EDIL3: variants seen among roughly 807,000 people sequenced by gnomAD.
EDIL3 encodes EGF-like repeat and discoidin I-like domain-containing protein 3.
In EDIL3, 37 loss-of-function variants were observed where a neutral mutation model predicts 67.4. The ratio of observed to expected loss-of-function variants is 0.55; its 90% CI spans 0.42 to 0.72. EDIL3 has a LOEUF of 0.72. Among genes scored for constraint, EDIL3 ranks in the 30% least tolerant of loss-of-function variants. The pLI is 0.00. For synonymous variants in EDIL3, 195 were observed against 196.3 expected, an observed-to-expected ratio of 0.99 and a Z score of 0.05; for missense variants, 527 against 586.3, an observed-to-expected ratio of 0.90 and a Z score of 1.04.
In EDIL3 at chr5:84,106,697, A is replaced by T. The variant is rs1747469912; in HGVS notation, c.603T>A (p.Leu201=). The change falls in exon 6 of 11, where the codon CTT becomes CTA. Residue 201 remains leucine, a synonymous_variant. Transcript: ENST00000296591. ...PYYARLNKKG[L]INAWTAAEND... ...TTTCTGCAGCTGTCCACGCATTTAT[A>T]AGCCCCTTCTTATTAAGACGTGCAT... 6.2e-7 allele frequency: 1 copy of T among 1,612,242 alleles called. No individual in the cohort carries two copies.
chr5:83,943,296 T>C lies in EDIL3; in HGVS notation c.*123A>G. Reference sequence around the variant, plus strand: ...AAACACCGTTAGTTGCCTACCATAATTTGAGCACTTTTTCATGAAAAAAAA... The same window carrying C: ...AAACACCGTTAGTTGCCTACCATAACTTGAGCACTTTTTCATGAAAAAAAA... On this transcript the variant is annotated 3_prime_UTR_variant, in exon 11 of 11. Transcript: ENST00000296591. 3.6e-6 allele frequency: 5 copies of C among 1,377,438 alleles called. No individual in the cohort carries two copies. Among genetic ancestry groups the C allele is most frequent in the Non-Finnish European group, 4.9e-6 (5 of 1,011,644 alleles). 85.3% of individuals were successfully genotyped at this position (1,377,438 alleles called of 1,614,324 possible). A position where few individuals can be genotyped will look rare whatever the true frequency, so the allele number is the denominator to read the frequency against.
chr5:84,275,442 T>C (rs1489746363), intron 1 of EDIL3, among the ~76,000 whole-genome samples: 1 of 152,220 alleles, frequency 6.6e-6, no homozygotes, highest in African/African-American at 2.4e-5. Flanking sequence ...TTTGTTCTTT[T>C]AGCAGCACAA....
Position 83,964,702 on chromosome 5 carries a change from T to A in EDIL3, c.1138-1342A>T, listed in dbSNP as rs535281865. Among the ~76,000 whole-genome samples, 10 of 152,204 alleles carry A rather than the reference T, an allele frequency of 6.6e-5. No homozygotes were observed. In the East Asian group the frequency reaches 1.7e-3, roughly 27 times the overall value. ...GAATTCACATGAGCTTTTTGTTAAC[T>A]TTTTGGAGCATGTGTTAAAGCCTTT... On this transcript the variant is annotated intron_variant, in intron 9 of 10. Transcript: ENST00000296591.
intron 1 of EDIL3, among the ~76,000 whole-genome samples, chr5:84,379,613 T>C (rs1437529202): frequency 6.6e-6 from 1 of 152,160 alleles, no homozygotes. Flanking sequence ...ATAATTGTTT[T>C]ACTACAAACA....
chr5:84,274,788 C>A (rs1443790213), intron 1 of EDIL3, among the ~76,000 whole-genome samples: 3 of 96,694 alleles, frequency 3.1e-5, no homozygotes, highest in African/African-American at 1.2e-4. Context: ...CATACAGACA[C>A]ACACAGACAC....
At chr5:83,992,199 C>G (rs996762383) in intron 9 of EDIL3, among the ~76,000 whole-genome samples, 1 of 152,088 alleles carries the variant, frequency 6.6e-6, no homozygotes, top group Non-Finnish European at 1.5e-5. Flanking sequence ...TATAAAACCA[C>G]TTAAAGGTAG....
intron 9 of EDIL3, among the ~76,000 whole-genome samples, chr5:83,984,009 C>G (rs1026009803): frequency 4.0e-5 from 6 of 151,848 alleles, no homozygotes; most frequent in Admixed American, 1.3e-4. Context: ...GTAGTCTATG[C>G]AAATCTGAAC....
At chr5:84,372,720 C>T (rs16901061) in intron 1 of EDIL3, among the ~76,000 whole-genome samples, 13,733 of 152,176 alleles carry the variant, frequency 0.09, 772 homozygotes, top group South Asian at 0.21. Context: ...TTATTCTATT[C>T]TCAGTCCATG....
intron 1 of EDIL3, among the ~76,000 whole-genome samples, chr5:84,289,856 C>A (rs893981056): frequency 6.6e-6 from 1 of 152,110 alleles, no homozygotes; most frequent in African/African-American, 2.4e-5. Context: ...ATTGTTTAAG[C>A]ACTAAAATAT....
intron 6 of EDIL3, among the ~76,000 whole-genome samples, chr5:84,073,572 A>C (rs1324298878): frequency 6.6e-6 from 1 of 152,222 alleles, no homozygotes; most frequent in Non-Finnish European, 1.5e-5. Flanking sequence ...AAGAGAGCCA[A>C]ATGATGAGTG....
chr5:84,168,696 C>T (rs1381602495), intron 4 of EDIL3, among the ~76,000 whole-genome samples: 5 of 152,170 alleles, frequency 3.3e-5, no homozygotes, highest in South Asian at 2.1e-4. Flanking sequence ...TTTTCATATA[C>T]GAACATTGTT....
At chr5:84,111,143 C>T (rs770107884) in intron 5 of EDIL3, among the ~76,000 whole-genome samples, 8 of 152,116 alleles carry the variant, frequency 5.3e-5, no homozygotes, top group Non-Finnish European at 7.4e-5. Flanking sequence ...TTCCCCTTTG[C>T]CCTTCCCCCA....
intron 8 of EDIL3, among the ~76,000 whole-genome samples, 198 bp from the exon 9 acceptor site, chr5:84,060,682 C>G (rs1387759708): frequency 6.6e-6 from 1 of 152,074 alleles, no homozygotes; most frequent in Non-Finnish European, 1.5e-5. Flanking sequence ...TCAATTCAAG[C>G]TATTTTGTCT....
intron 6 of EDIL3, among the ~76,000 whole-genome samples, chr5:84,102,376 G>A (rs1353329721): frequency 1.3e-5 from 2 of 151,964 alleles, no homozygotes; most frequent in Admixed American, 6.6e-5. Context: ...GGAAGCCAAA[G>A]TATCCCTGTT....
chr5:84,370,777 T>C (rs1233223879), intron 1 of EDIL3, among the ~76,000 whole-genome samples: 1 of 152,224 alleles, frequency 6.6e-6, no homozygotes, highest in Non-Finnish European at 1.5e-5. Flanking sequence ...TTTTTAATAA[T>C]GTACCATTTG....
At chr5:84,248,450 C>G (rs533186020) in intron 2 of EDIL3, among the ~76,000 whole-genome samples, 9 of 152,262 alleles carry the variant, frequency 5.9e-5, no homozygotes, top group African/African-American at 1.9e-4. Context: ...ATATTGATGG[C>G]CTCTTACCGC....
At chr5:84,101,226 A>T (rs1486997395) in intron 6 of EDIL3, among the ~76,000 whole-genome samples, 1 of 152,056 alleles carries the variant, frequency 6.6e-6, no homozygotes, top group South Asian at 2.1e-4. Context: ...AAGAGCTGTG[A>T]ATTAGGCTAA....
rs574721999 is a variant in EDIL3 at position 84,007,160 on chromosome 5, G to A, written c.1138-43800C>T. 2.0e-5 allele frequency among the ~76,000 whole-genome samples: 3 copies of A among 152,182 alleles called. No homozygotes were observed. The East Asian group carries it at 5.8e-4, about 29-fold the overall frequency. On this transcript the variant is annotated intron_variant, in intron 9 of 10. Transcript: ENST00000296591. ...CCAAAGATACAAGATTTAAATCTAA[G>A]ATCTGAAACTATGAAACTACTAAAA...
intron 10 of EDIL3, among the ~76,000 whole-genome samples, chr5:83,950,519 T>G (rs1292297900): frequency 1.3e-5 from 2 of 151,836 alleles, no homozygotes; most frequent in Non-Finnish European, 2.9e-5. Flanking sequence ...TAAAGTTGAT[T>G]GTGAACTTAC....
Sources: allele counts gnomAD v4.1 joint callset (sites outside exome capture counted in the v4.1 genomes callset), GRCh38; gene constraint gnomAD v4.1.1; transcripts MANE v1.5; gene names NCBI Gene and HGNC (gene_info 2026-07-23, HGNC 2026-07-21).